The following USP47 variants were observed in gnomAD, a reference collection of about 807,000 sequenced individuals.
USP47 encodes the protein ubiquitin carboxyl-terminal hydrolase 47.
USP47 carries 35 observed loss-of-function variants against 165.1 expected under a neutral mutation model. That is an observed-to-expected ratio of 0.21 (90% confidence interval 0.16 to 0.28). The LOEUF (loss-of-function observed/expected upper bound fraction) is 0.28, where lower values mean the gene tolerates loss of function less well. USP47 is among the 10% of genes least tolerant of loss of function. The probability of loss-of-function intolerance (pLI) is 1.00; values close to 1 mark genes in which losing one functional copy is unlikely to be tolerated. For synonymous variants in USP47, 531 were observed against 544.5 expected (o/e 0.98, Z 0.35); for missense variants, 1,277 against 1,607.4 (o/e 0.79, Z 3.52).
chr11:11,923,553 C>G (rs1854020673), intron 11 of USP47, among the ~76,000 whole-genome samples: 1 of 151,908 alleles, frequency 6.6e-6, no homozygotes, highest in Non-Finnish European at 1.5e-5. Flanking sequence ...CCATTTTTTT[C>G]CACATATATT....
At chr11:11,847,428 A>G (rs1251886770) in intron 1 of USP47, among the ~76,000 whole-genome samples, 1 of 152,244 alleles carries the variant, frequency 6.6e-6, no homozygotes, top group East Asian at 1.9e-4. Flanking sequence ...TTCTAGATTC[A>G]GATTTCCACT....
At position 11,942,728 on chromosome 11, in the gene USP47, A is replaced by G; in HGVS notation, c.2707A>G (p.Asn903Asp). ...NERDSSASVD[N>D]RELEQHIQTS... is the part of the protein sequence containing the mutation. ...GAGGGACTCTTCAGCATCAGTGGAT[A>G]ATAGAGAACTTGAACAGCATATTCA... Residue 903 changes from asparagine (N) to aspartate (D), a missense_variant, in exon 20 of 28, where the codon AAT becomes GAT. Asn to Asp is a conservative substitution (Grantham distance 23). Around this residue, in one of 4 missense-constraint regions of USP47, gnomAD observed 909 missense variants for 1,068.1 expected, o/e 0.85. Coordinates refer to ENST00000527733, the MANE Select transcript of USP47 (RefSeq NM_001282659.2). 6.2e-7 allele frequency: 1 copy of G among 1,613,646 alleles called. No individual in the cohort carries two copies. Among genetic ancestry groups the G allele is most frequent in the Non-Finnish European group, 8.5e-7 (1 of 1,179,764 alleles).
chr11:11,913,694 G>A (rs2134538721), intron 8 of USP47, among the ~76,000 whole-genome samples: 1 of 152,122 alleles, frequency 6.6e-6, no homozygotes, highest in African/African-American at 2.4e-5. Flanking sequence ...GTAAGTTCTA[G>A]TGTTTGAGAG....
rs910095531 is a variant in USP47 at position 11,945,961 on chromosome 11, G to T, written c.3092-1984G>T. ...CCCCCAAAAAAAAAAGAAAAGAAAAGAAAAGGAAAAAGAATAAAAGAAATA... is the reference window on the plus strand; with the variant it reads ...CCCCCAAAAAAAAAAGAAAAGAAAATAAAAGGAAAAAGAATAAAAGAAATA... On this transcript the variant is annotated intron_variant, in intron 20 of 27. Transcript: ENST00000527733. Among the ~76,000 whole-genome samples, 10 of 147,154 alleles carry T rather than the reference G, an allele frequency of 6.8e-5. No individual in the cohort carries two copies. In the South Asian group the frequency reaches 2.2e-3, roughly 32 times the overall value.
chr11:11,871,657 A>AGGG (rs1850073708), intron 1 of USP47, among the ~76,000 whole-genome samples: 1 of 151,778 alleles, frequency 6.6e-6, no homozygotes, highest in African/African-American at 2.4e-5. Context: ...CAAACACTCT[A>AGGG]GGGGGATGCA....
At chr11:11,891,167 T>G (rs993857937) in intron 3 of USP47, among the ~76,000 whole-genome samples, 2 of 152,120 alleles carry the variant, frequency 1.3e-5, no homozygotes, top group African/African-American at 2.4e-5. Flanking sequence ...AAATAATAAT[T>G]TAAAAAATTA....
intron 1 of USP47, among the ~76,000 whole-genome samples, chr11:11,872,661 G>A (rs541346969): frequency 8.5e-5 from 13 of 152,304 alleles, no homozygotes; most frequent in African/African-American, 3.1e-4. Context: ...ACCTCCTTGA[G>A]AGCAGGGTGA....
At chr11:11,933,679 A>G (rs771093106) in intron 15 of USP47, 152 bp from the exon 16 acceptor site, 55 of 549,420 alleles carry the variant, frequency 1.0e-4, no homozygotes, top group Non-Finnish European at 1.5e-4. Flanking sequence ...AACTGGTGTC[A>G]ATTACTAAGT....
At chr11:11,851,063 A>G (rs776534841) in intron 1 of USP47, among the ~76,000 whole-genome samples, 8 of 152,222 alleles carry the variant, frequency 5.3e-5, no homozygotes, top group Non-Finnish European at 1.2e-4. Flanking sequence ...GTAAGGAGAC[A>G]TAGGCATTTA....
At chr11:11,948,347 A>C (rs1855986224) in intron 21 of USP47, 131 bp from the exon 22 acceptor site, 1 of 855,422 alleles carries the variant, frequency 1.2e-6, no homozygotes, top group Non-Finnish European at 1.8e-6. Flanking sequence ...CTGGGGATTC[A>C]GAGGTAAAAG....
chr11:11,882,575 G>A (rs1277840881), intron 2 of USP47, among the ~76,000 whole-genome samples: 2 of 152,112 alleles, frequency 1.3e-5, no homozygotes, highest in African/African-American at 2.4e-5. Flanking sequence ...ATAATTTCCA[G>A]TGTTGTCCTT....
chr11:11,875,037 G>T (rs10831689), intron 1 of USP47, among the ~76,000 whole-genome samples: 1 of 116,148 alleles, frequency 8.6e-6, no homozygotes, highest in Admixed American at 8.6e-5. Flanking sequence ...GACTTATTGT[G>T]TGTGTGTGTG....
At chr11:11,903,011 C>A in intron 6 of USP47, 151 bp downstream of exon 6, 1 of 903,610 alleles carries the variant, frequency 1.1e-6, no homozygotes, top group South Asian at 2.7e-5. Context: ...TTTCATAACT[C>A]TACAATGAAA....
intron 8 of USP47, among the ~76,000 whole-genome samples, chr11:11,912,687 A>G (rs10831705): frequency 0.22 from 32,800 of 151,940 alleles, 4,280 homozygotes; most frequent in Non-Finnish European, 0.29. Flanking sequence ...CTGTGACACT[A>G]TTCTTACCTG....
intron 8 of USP47, among the ~76,000 whole-genome samples, chr11:11,908,157 A>G (rs2134488101): frequency 6.6e-6 from 1 of 152,308 alleles, no homozygotes; most frequent in Middle Eastern, 3.4e-3. Flanking sequence ...ACATGTACAC[A>G]CTGATGGTTA....
At position 11,943,024 on chromosome 11, in the gene USP47, G is replaced by T. The variant is rs914036443; in HGVS notation, c.3003G>T (p.Glu1001Asp). The T allele has an allele frequency of 1.9e-6, 3 of 1,613,562 alleles. No individual in the cohort carries two copies. Among genetic ancestry groups the T allele is most frequent in the Admixed American group, 3.3e-5 (2 of 59,946 alleles). The change falls in exon 20 of 28, where the codon GAG becomes GAT. Residue 1001 changes from glutamate (E) to aspartate (D), a missense_variant. Around this residue, in one of 4 missense-constraint regions of USP47, gnomAD observed 909 missense variants for 1,068.1 expected, o/e 0.85. Transcript: ENST00000527733. The part of the protein sequence containing the change: ...EDSGTDSEYD[E>D]SGKSRGEMQY... ...CTGGAACTGATAGTGAATATGATGA[G>T]AGTGGCAAGAGTAGGGGAGAAATGC...
chr11:11,931,903 A>T (rs1213374628), intron 14 of USP47, among the ~76,000 whole-genome samples: 1 of 152,192 alleles, frequency 6.6e-6, no homozygotes, highest in Non-Finnish European at 1.5e-5. Context: ...AGTCTATAGT[A>T]ATGATTTTTT....
At chr11:11,924,790 C>A (rs2134634799) in intron 11 of USP47, among the ~76,000 whole-genome samples, 2 of 151,986 alleles carry the variant, frequency 1.3e-5, no homozygotes, top group Middle Eastern at 6.8e-3. Context: ...CCTTTAATGT[C>A]CTTTTAATGC....
rs371861606 is a variant in USP47 at position 11,946,237 on chromosome 11, T to G, written c.3092-1708T>G. Among the ~76,000 whole-genome samples the G allele has an allele frequency of 3.9e-5, 6 of 152,178 alleles. No homozygotes were observed. The South Asian group carries it at 1.0e-3, about 26-fold the overall frequency. On this transcript the variant is annotated intron_variant, in intron 20 of 27. Transcript: ENST00000527733. ...ACCTGTATTTTATAGTAAAGGTAAT[T>G]GAAGTACAGAAAAGTTAAGAAGTCA...
Sources: allele counts gnomAD v4.1 joint callset (sites outside exome capture counted in the v4.1 genomes callset), GRCh38; gene constraint gnomAD v4.1.1; regional missense constraint gnomAD v4.1.1; transcripts MANE v1.5; gene names NCBI Gene and HGNC (gene_info 2026-07-23, HGNC 2026-07-21).